Variants in ART1 observed in about 807,000 individuals in gnomAD.
ART1 encodes the protein ADP-ribosyltransferase 1.
In ART1, 29 loss-of-function variants were observed where a neutral mutation model predicts 27.0. That is an observed-to-expected ratio of 1.08 (90% confidence interval 0.80 to 1.47). The LOEUF (loss-of-function observed/expected upper bound fraction) is 1.47, where lower values mean the gene tolerates loss of function less well. Among genes scored for constraint, ART1 ranks in the 40% most tolerant of loss-of-function variants. The pLI, the probability that ART1 is intolerant of heterozygous loss-of-function variation, is 0.00. For missense variants in ART1, 480 were observed against 423.0 expected, an observed-to-expected ratio of 1.13 and a Z score of -1.18; for synonymous variants, 201 against 172.2, an observed-to-expected ratio of 1.17 and a Z score of -1.31.
chr11:3,663,144 C>CTCA (rs1554883234), intron 4 of ART1, among the ~76,000 whole-genome samples: 24 of 126,160 alleles, frequency 1.9e-4, no homozygotes, highest in African/African-American at 5.2e-4. Flanking sequence ...CTCATCTCAT[C>CTCA]ATCATCTCAT....
intron 4 of ART1, among the ~76,000 whole-genome samples, chr11:3,663,084 ATCTCATCATC>A (rs2077633923): frequency 2.6e-5 from 2 of 77,714 alleles, no homozygotes; most frequent in African/African-American, 1.1e-4. Flanking sequence ...TCATCATCTC[ATCTCATCATC>A]TCATCTCATC....
At position 3,659,177 on chromosome 11, in the gene ART1, C is replaced by T; in HGVS notation, c.-37C>T. On this transcript the variant is annotated 5_prime_UTR_variant, in exon 2 of 5. Coordinates refer to ENST00000250693, the MANE Select transcript of ART1 (RefSeq NM_004314.3). ...AATTTTCCAGATGAGGAAACTGAGA[C>T]CCAAAAAGAGACAGCAACTGGCCCA... The T allele has an allele frequency of 1.2e-6, 2 of 1,607,522 alleles. No homozygotes were observed. The highest frequency in any genetic ancestry group is 1.7e-6 in the Non-Finnish European group (2 of 1,174,320).
intron 1 of ART1, among the ~76,000 whole-genome samples, chr11:3,650,466 GAGTAACTCTCACAGTGGAA>G (rs2077511728): frequency 6.6e-6 from 1 of 152,162 alleles, no homozygotes; most frequent in African/African-American, 2.4e-5. Flanking sequence ...TCCGAGCTTT[GAGTAACTCTCACAGTGGAA>G]AGTAAGTCCG....
chr11:3,650,799 A>T (rs1589917389), intron 1 of ART1, among the ~76,000 whole-genome samples: 2 of 147,670 alleles, frequency 1.4e-5, no homozygotes, highest in East Asian at 4.0e-4. Context: ...CCTCCTTCAC[A>T]TCCTCCCCTT....
intron 1 of ART1, among the ~76,000 whole-genome samples, chr11:3,653,264 C>T (rs537106860): frequency 6.7e-6 from 1 of 148,656 alleles, no homozygotes; most frequent in Non-Finnish European, 1.5e-5. Flanking sequence ...CCATCATGTC[C>T]CCTGTGACCT....
At chr11:3,647,251 G>A (rs960822196) in intron 1 of ART1, among the ~76,000 whole-genome samples, 5 of 152,004 alleles carry the variant, frequency 3.3e-5, no homozygotes, top group Admixed American at 3.3e-4. Flanking sequence ...GAACCCGGGA[G>A]GCAGAGGTTG....
intron 1 of ART1, among the ~76,000 whole-genome samples, chr11:3,651,157 C>A (rs1487490299): frequency 1.7e-4 from 25 of 149,534 alleles, no homozygotes; most frequent in Middle Eastern, 3.4e-3. Flanking sequence ...CAATTCCTCC[C>A]TCTACAACCC....
intron 1 of ART1, among the ~76,000 whole-genome samples, chr11:3,656,004 G>A (rs970185992): frequency 6.7e-6 from 1 of 150,056 alleles, no homozygotes. Flanking sequence ...GCGATCTCGG[G>A]TCACTGCAAC....
chr11:3,657,851 G>A (rs1216701695), intron 1 of ART1, among the ~76,000 whole-genome samples: 1 of 152,070 alleles, frequency 6.6e-6, no homozygotes. Flanking sequence ...TAAAATTAGG[G>A]AAGAAACCTA....
At chr11:3,657,012 G>A (rs1279148168) in intron 1 of ART1, among the ~76,000 whole-genome samples, 1 of 152,162 alleles carries the variant, frequency 6.6e-6, no homozygotes, top group Non-Finnish European at 1.5e-5. Context: ...TAGGATCTTA[G>A]ATTTGAAGAT....
intron 1 of ART1, among the ~76,000 whole-genome samples, chr11:3,648,995 C>G (rs928889084): frequency 9.5e-6 from 1 of 104,750 alleles, no homozygotes. Context: ...CCTCTTATCT[C>G]TGTGCCCCAT....
At position 3,659,913 on chromosome 11, in the gene ART1, A is replaced by G; in HGVS notation, c.394A>G (p.Asn132Asp). 5.0e-6 allele frequency: 8 copies of G among 1,613,180 alleles called. No individual in the cohort carries two copies. Among genetic ancestry groups the G allele is most frequent in the Non-Finnish European group, 6.8e-6 (8 of 1,179,658 alleles). The change falls in exon 3 of 5, where the codon AAT becomes GAT. Residue 132 changes from asparagine (N) to aspartate (D), a missense_variant. By Grantham distance (23) the Asn-to-Asp change is conservative. Coordinates refer to ENST00000250693, the MANE Select transcript of ART1 (RefSeq NM_004314.3). Reference protein sequence around the residue: ...TANSPLHKEFNAAVREAGRSR... With the variant: ...TANSPLHKEFDAAVREAGRSR... ...CAACAGCCCCCTGCACAAGGAGTTC[A>G]ATGCAGCCGTGCGTGAGGCGGGCCG...
chr11:3,649,485 C>T, intron 1 of ART1, among the ~76,000 whole-genome samples: 1 of 152,200 alleles, frequency 6.6e-6, no homozygotes, highest in East Asian at 1.9e-4. Flanking sequence ...TTCTTTCCCT[C>T]CCGCCTGTCC....
At chr11:3,659,530 C>G in intron 2 of ART1, 53 bp from the exon 3 acceptor site, 1 of 1,525,078 alleles carries the variant, frequency 6.6e-7, no homozygotes, top group Non-Finnish European at 8.8e-7. Flanking sequence ...TGGCAGGGGA[C>G]TCATTCTCCC....
intron 1 of ART1, among the ~76,000 whole-genome samples, chr11:3,649,673 G>T (rs1278049915): frequency 1.3e-5 from 2 of 152,010 alleles, no homozygotes; most frequent in Non-Finnish European, 2.9e-5. Context: ...CCTCACACCC[G>T]GTCTGGTTTA....
intron 1 of ART1, chr11:3,655,391 G>C (rs2077565211): frequency 6.6e-6 from 1 of 152,190 alleles, no homozygotes; most frequent in Admixed American, 6.6e-5. Flanking sequence ...AGTCCCACTG[G>C]GGACCCTCTA....
intron 1 of ART1, among the ~76,000 whole-genome samples, chr11:3,651,922 G>A (rs1197318705): frequency 6.7e-6 from 1 of 150,170 alleles, no homozygotes; most frequent in Admixed American, 6.6e-5. Context: ...TTTATTGATG[G>A]CAGCTCCACC....
chr11:3,661,490 C>T (rs200757030), intron 4 of ART1, 77 bp downstream of exon 4: 772 of 320,200 alleles, frequency 2.4e-3, no homozygotes, highest in Non-Finnish European at 3.1e-3. Flanking sequence ...TCACCTCGAT[C>T]TTTTTTTTTT....
chr11:3,660,753 C>T (rs1442245871), intron 3 of ART1, among the ~76,000 whole-genome samples: 2 of 152,198 alleles, frequency 1.3e-5, no homozygotes, highest in Admixed American at 1.3e-4. Flanking sequence ...GTAGGAGTCC[C>T]ACCCTCAGTT....
Sources: allele counts gnomAD v4.1 joint callset (sites outside exome capture counted in the v4.1 genomes callset), GRCh38; gene constraint gnomAD v4.1.1; transcripts MANE v1.5; gene names NCBI Gene and HGNC (gene_info 2026-07-23, HGNC 2026-07-21).